The following CSMD1 variants were observed in gnomAD, a reference collection of about 807,000 sequenced individuals.
CSMD1 encodes CUB and Sushi multiple domains 1.
In CSMD1, 213 loss-of-function variants were observed where a neutral mutation model predicts 417.5. That is an observed-to-expected ratio of 0.51 (90% CI 0.46 to 0.57). The LOEUF (loss-of-function observed/expected upper bound fraction) is 0.57, where lower values mean the gene tolerates loss of function less well. Ranked by LOEUF, CSMD1 falls within the 20% of genes least tolerant of loss-of-function variation. The probability of loss-of-function intolerance (pLI) is 0.00; values close to 1 mark genes in which losing one functional copy is unlikely to be tolerated. For missense variants in CSMD1, 6,923 were observed against 4,529.7 expected (o/e 1.53, Z -15.17); for synonymous variants, 2,862 against 1,736.8 (o/e 1.65, Z -16.11).
intron 20 of CSMD1, among the ~76,000 whole-genome samples, chr8:3,360,447 T>C (rs80164835): frequency 0.011 from 1,731 of 152,236 alleles, 31 homozygotes; most frequent in African/African-American, 0.04. Context: ...CAGTGGGAAG[T>C]GAGAAAGTGT....
At chr8:4,625,112 T>G (rs1337858337) in intron 2 of CSMD1, among the ~76,000 whole-genome samples, 1 of 151,982 alleles carries the variant, frequency 6.6e-6, no homozygotes, top group African/African-American at 2.4e-5. Flanking sequence ...GTGCCACAGA[T>G]GACAAGAGAA....
chr8:3,227,746 G>GA (rs1008634283), intron 27 of CSMD1, among the ~76,000 whole-genome samples: 5 of 151,634 alleles, frequency 3.3e-5, no homozygotes, highest in Non-Finnish European at 5.9e-5. Context: ...AGTCAAGCAG[G>GA]ATGTTGTCAT....
intron 5 of CSMD1, among the ~76,000 whole-genome samples, chr8:3,815,622 C>T (rs928819780): frequency 2.9e-5 from 2 of 68,552 alleles, no homozygotes; most frequent in Non-Finnish European, 5.8e-5. Flanking sequence ...CACTGCTAGA[C>T]TTTCTTTTTT....
At chr8:2,955,831 G>T in intron 63 of CSMD1, 63 bp from the exon 64 acceptor site, 1 of 1,433,106 alleles carries the variant, frequency 7.0e-7, no homozygotes, top group Middle Eastern at 2.1e-4. Context: ...TGTGTCTAGA[G>T]AAATTAATAG....
At chr8:3,344,093 T>C (rs1206919683) in intron 22 of CSMD1, among the ~76,000 whole-genome samples, 1 of 152,196 alleles carries the variant, frequency 6.6e-6, no homozygotes, top group Non-Finnish European at 1.5e-5. Flanking sequence ...AGAGTAGATG[T>C]AATAAGTATA....
At chr8:4,041,296 C>A (rs57287234) in intron 3 of CSMD1, among the ~76,000 whole-genome samples, 1 of 151,898 alleles carries the variant, frequency 6.6e-6, no homozygotes, top group Non-Finnish European at 1.5e-5. Flanking sequence ...GGATTACATG[C>A]GTGAGCCACC....
chr8:3,548,354 G>A lies in CSMD1; in HGVS notation c.1344+26591C>T, dbSNP rs184212491. 1.3e-4 allele frequency among the ~76,000 whole-genome samples: 20 copies of A among 152,120 alleles called. No homozygotes were observed. In the East Asian group the frequency reaches 3.3e-3, roughly 25 times the overall value. Reference sequence around the variant, plus strand: ...AGGTGGTATTTGGTTACGTGATCGAGTTCTTCAGTGGTGATTCGTGAGATT... The same window carrying A: ...AGGTGGTATTTGGTTACGTGATCGAATTCTTCAGTGGTGATTCGTGAGATT... On this transcript the variant is annotated intron_variant, in intron 10 of 69. Transcript: ENST00000635120.
chr8:4,329,353 T>C (rs966814894), intron 3 of CSMD1, among the ~76,000 whole-genome samples: 1 of 152,238 alleles, frequency 6.6e-6, no homozygotes, highest in African/African-American at 2.4e-5. Context: ...CAGTGATGCA[T>C]TCTCAGCTCA....
chr8:3,086,102 T>C (rs896249705), intron 49 of CSMD1, among the ~76,000 whole-genome samples: 5 of 152,106 alleles, frequency 3.3e-5, no homozygotes, highest in Non-Finnish European at 5.9e-5. Context: ...CAGCAACAGA[T>C]TCTACGACTC....
chr8:4,657,580 CTACAGCAATAAA>C (rs1401012068), intron 1 of CSMD1, among the ~76,000 whole-genome samples: 1 of 151,884 alleles, frequency 6.6e-6, no homozygotes, highest in Non-Finnish European at 1.5e-5. Flanking sequence ...AATTCAATAA[CTACAGCAATAAA>C]ACAATTCCCA....
chr8:3,728,853 C>T (rs1024994866), intron 6 of CSMD1, among the ~76,000 whole-genome samples: 5 of 152,174 alleles, frequency 3.3e-5, no homozygotes, highest in Non-Finnish European at 7.3e-5. Context: ...TTTACTGAAG[C>T]AGATTCATGG....
At chr8:3,283,019 C>T (rs924826703) in intron 26 of CSMD1, among the ~76,000 whole-genome samples, 1 of 152,258 alleles carries the variant, frequency 6.6e-6, no homozygotes, top group South Asian at 2.1e-4. Context: ...CAAAATATCT[C>T]CACTCCTTCC....
chr8:3,977,277 A>C (rs1245703608), intron 5 of CSMD1, among the ~76,000 whole-genome samples: 1 of 152,098 alleles, frequency 6.6e-6, no homozygotes, highest in African/African-American at 2.4e-5. Flanking sequence ...TGATCCAAGG[A>C]GATTGTGGGT....
chr8:3,405,220 T>C (rs565472827), intron 15 of CSMD1, among the ~76,000 whole-genome samples: 70 of 152,302 alleles, frequency 4.6e-4, no homozygotes, highest in African/African-American at 1.6e-3. Context: ...TGATATACAC[T>C]AGAGGTAAGT....
chr8:3,624,864 A>G (rs1217842406), intron 7 of CSMD1, among the ~76,000 whole-genome samples: 1 of 152,156 alleles, frequency 6.6e-6, no homozygotes, highest in Non-Finnish European at 1.5e-5. Flanking sequence ...ATTTTAATAA[A>G]TTTCTCCTCT....
intron 5 of CSMD1, among the ~76,000 whole-genome samples, chr8:3,789,975 C>T (rs750541461): frequency 9.9e-5 from 15 of 152,106 alleles, no homozygotes; most frequent in African/African-American, 3.6e-4. Context: ...TTGTGATCCG[C>T]CCACCTCGGC....
intron 3 of CSMD1, among the ~76,000 whole-genome samples, chr8:4,403,922 A>G (rs1287638419): frequency 6.6e-6 from 1 of 152,154 alleles, no homozygotes; most frequent in African/African-American, 2.4e-5. Context: ...ATTAACTCCA[A>G]TCTTCGCCTT....
chr8:3,450,282 C>T (rs541648503), intron 12 of CSMD1, among the ~76,000 whole-genome samples: 1 of 152,028 alleles, frequency 6.6e-6, no homozygotes, highest in African/African-American at 2.4e-5. Context: ...TCTTCCTACC[C>T]ATACACATGG....
chr8:4,927,017 C>T (rs145532286), intron 1 of CSMD1, among the ~76,000 whole-genome samples: 1,952 of 151,560 alleles, frequency 0.013, 39 homozygotes, highest in African/African-American at 0.037. Context: ...GTAGACATCC[C>T]GTATCTAAAA....
Sources: allele counts gnomAD v4.1 joint callset (sites outside exome capture counted in the v4.1 genomes callset), GRCh38; gene constraint gnomAD v4.1.1; transcripts MANE v1.5; gene names NCBI Gene and HGNC (gene_info 2026-07-23, HGNC 2026-07-21).